Variants in DLG2 observed in about 807,000 individuals in gnomAD.
DLG2 encodes disks large homolog 2.
A neutral mutation model predicts 132.5 loss-of-function variants in DLG2; 45 were observed. The ratio of observed to expected loss-of-function variants is 0.34; its 90% CI spans 0.27 to 0.44. DLG2 has a LOEUF of 0.44. DLG2 is among the 20% of genes least tolerant of loss of function. The pLI, the probability that DLG2 is intolerant of heterozygous loss-of-function variation, is 1.00. For missense variants in DLG2, 1,045 were observed against 1,196.9 expected (o/e 0.87, Z 1.87); for synonymous variants, 424 against 419.6 (o/e 1.01, Z -0.13).
chr11:85,390,303 T>A lies in DLG2; in HGVS notation c.41-104938A>T, dbSNP rs558648328. Among the ~76,000 whole-genome samples the A allele has an allele frequency of 6.6e-5, 10 of 151,930 alleles. 1 individual carries two copies. The highest frequency in any genetic ancestry group is 2.4e-4 in the African/African-American group (10 of 41,470). On this transcript the variant is annotated intron_variant, in intron 3 of 27. Coordinates refer to ENST00000376104, the MANE Select transcript of DLG2 (RefSeq NM_001142699.3). ...AAGGACTAGTCCAACAGGAAAATAGTACAATTCTAAATATATATGCACCTG... is the reference window on the plus strand; with the variant it reads ...AAGGACTAGTCCAACAGGAAAATAGAACAATTCTAAATATATATGCACCTG...
intron 13 of DLG2, among the ~76,000 whole-genome samples, chr11:83,964,540 A>C (rs938287937): frequency 2.6e-5 from 4 of 151,956 alleles, no homozygotes; most frequent in Non-Finnish European, 5.9e-5. Flanking sequence ...TCACAAATGG[A>C]CTCTCAACAT....
chr11:83,649,036 A>T (rs1053513293), intron 18 of DLG2, among the ~76,000 whole-genome samples: 1 of 152,132 alleles, frequency 6.6e-6, no homozygotes, highest in Non-Finnish European at 1.5e-5. Context: ...TCCAATTAGG[A>T]TGGTCTCGTG....
intron 7 of DLG2, among the ~76,000 whole-genome samples, chr11:84,289,468 A>T (rs1053526110): frequency 6.6e-6 from 1 of 152,110 alleles, no homozygotes; most frequent in African/African-American, 2.4e-5. Context: ...TACAGAGAGA[A>T]AAATGGCCTC....
intron 15 of DLG2, among the ~76,000 whole-genome samples, chr11:83,884,677 C>A (rs2067302536): frequency 6.6e-6 from 1 of 152,200 alleles, no homozygotes; most frequent in South Asian, 2.1e-4. Flanking sequence ...TACCAAGCAG[C>A]CTAACTGGAA....
At chr11:85,081,011 AT>A (rs2067163979) in intron 6 of DLG2, among the ~76,000 whole-genome samples, 1 of 152,198 alleles carries the variant, frequency 6.6e-6, no homozygotes, top group African/African-American at 2.4e-5. Context: ...TTATGTGGGT[AT>A]AAATTCTTAA....
chr11:84,646,867 T>C (rs972879528), intron 6 of DLG2, among the ~76,000 whole-genome samples: 4 of 152,198 alleles, frequency 2.6e-5, no homozygotes, highest in Non-Finnish European at 5.9e-5. Context: ...ATCCAGCGGA[T>C]GTCTAATGAT....
intron 5 of DLG2, 101 bp downstream of exon 5, chr11:85,154,455 A>G: frequency 3.2e-6 from 2 of 619,626 alleles, no homozygotes; most frequent in Non-Finnish European, 2.7e-6. Context: ...TAGGTTACAC[A>G]TTTTCTTTTC....
intron 22 of DLG2, among the ~76,000 whole-genome samples, chr11:83,479,969 C>A (rs2092966139): frequency 6.6e-6 from 1 of 152,008 alleles, no homozygotes; most frequent in Non-Finnish European, 1.5e-5. Flanking sequence ...GAGCCAAGAA[C>A]AGAAAGGAAA....
intron 7 of DLG2, among the ~76,000 whole-genome samples, chr11:84,345,483 G>C (rs977738919): frequency 2.0e-5 from 3 of 152,050 alleles, no homozygotes; most frequent in Admixed American, 6.5e-5. Flanking sequence ...TTTGCAACAG[G>C]TTACAGAATT....
chr11:84,933,333 T>C (rs1746938021), intron 6 of DLG2, among the ~76,000 whole-genome samples: 1 of 152,162 alleles, frequency 6.6e-6, no homozygotes, highest in South Asian at 2.1e-4. Context: ...TCGCTTAGGA[T>C]TTCCTTGGCT....
At chr11:84,507,402 G>C (rs2099244480) in intron 7 of DLG2, among the ~76,000 whole-genome samples, 2 of 152,156 alleles carry the variant, frequency 1.3e-5, no homozygotes, top group South Asian at 4.1e-4. Flanking sequence ...GATTTACTGA[G>C]ATTTAAAAAC....
At chr11:85,525,657 T>C (rs1237607369) in intron 3 of DLG2, among the ~76,000 whole-genome samples, 2 of 152,120 alleles carry the variant, frequency 1.3e-5, no homozygotes, top group African/African-American at 2.4e-5. Flanking sequence ...TTTCAAGGCA[T>C]TGGAAAAAGC....
chr11:85,196,747 C>G (rs190821673), intron 4 of DLG2, among the ~76,000 whole-genome samples: 1 of 152,130 alleles, frequency 6.6e-6, no homozygotes, highest in African/African-American at 2.4e-5. Flanking sequence ...CATATATCCA[C>G]TTAGTATGGA....
At chr11:83,518,484 C>T (rs1000976691) in intron 21 of DLG2, among the ~76,000 whole-genome samples, 4 of 152,136 alleles carry the variant, frequency 2.6e-5, no homozygotes, top group African/African-American at 9.7e-5. Flanking sequence ...GAGGCAATGC[C>T]TCACCCTGCT....
At chr11:83,763,073 C>CTA (rs1487329888) in intron 18 of DLG2, among the ~76,000 whole-genome samples, 1 of 152,230 alleles carries the variant, frequency 6.6e-6, no homozygotes, top group Non-Finnish European at 1.5e-5. Flanking sequence ...GGCTGCCATA[C>CTA]TACCCTTTTG....
chr11:85,479,400 G>A (rs2093230501), intron 3 of DLG2, among the ~76,000 whole-genome samples: 1 of 152,184 alleles, frequency 6.6e-6, no homozygotes, highest in African/African-American at 2.4e-5. Context: ...ATTCATGAGG[G>A]TTCCACCCTA....
intron 3 of DLG2, among the ~76,000 whole-genome samples, chr11:85,546,857 G>A (rs1385829230): frequency 1.7e-5 from 2 of 118,890 alleles, no homozygotes; most frequent in Non-Finnish European, 3.4e-5. Flanking sequence ...CATTTGCTTG[G>A]TAAATATTTC....
At chr11:83,746,347 A>G (rs1293878452) in intron 18 of DLG2, among the ~76,000 whole-genome samples, 1 of 152,208 alleles carries the variant, frequency 6.6e-6, no homozygotes, top group East Asian at 1.9e-4. Context: ...ACAATGATAG[A>G]CTGGATTAGG....
chr11:84,059,638 A>T (rs999648219), intron 10 of DLG2, among the ~76,000 whole-genome samples, 154 bp from the exon 11 acceptor site: 1 of 152,216 alleles, frequency 6.6e-6, no homozygotes, highest in Admixed American at 6.5e-5. Context: ...AATGAAGGAA[A>T]TCTAAAAAAT....
Sources: allele counts gnomAD v4.1 joint callset (sites outside exome capture counted in the v4.1 genomes callset), GRCh38; gene constraint gnomAD v4.1.1; transcripts MANE v1.5; gene names NCBI Gene and HGNC (gene_info 2026-07-23, HGNC 2026-07-21).